The following MIA2 variants were observed in gnomAD, a reference collection of about 807,000 sequenced individuals.
The protein encoded by MIA2 is MIA SH3 domain ER export factor 2, also known as melanoma inhibitory activity protein 2.
Under a neutral mutation model 167.8 loss-of-function variants are expected in MIA2, and 127 were observed. The ratio of observed to expected loss-of-function variants is 0.76; its 90% CI spans 0.66 to 0.88. The LOEUF (loss-of-function observed/expected upper bound fraction) is 0.88, where lower values mean the gene tolerates loss of function less well. MIA2 is among the 40% of genes least tolerant of loss of function. The probability of loss-of-function intolerance (pLI) is 0.00; values close to 1 mark genes in which losing one functional copy is unlikely to be tolerated. For synonymous variants in MIA2, 552 were observed against 541.9 expected (o/e 1.02, Z -0.26); for missense variants, 1,690 against 1,624.7 (o/e 1.04, Z -0.69).
rs71130838 is a variant in MIA2 at position 39,298,413 on chromosome 14, T to TTATA, written c.2497-1424_2497-1421dup. ...TTTACCTGTATCATCTGATTCTGTT[T>TTATA]TATATATATATATATATATATATAT... On this transcript the variant is annotated intron_variant, in intron 13 of 28. Coordinates refer to ENST00000640607, the MANE Select transcript of MIA2 (RefSeq NM_001329214.4). 6.3e-3 allele frequency among the ~76,000 whole-genome samples: 165 copies of TTATA among 26,146 alleles called. 9 individuals carry two copies. Among genetic ancestry groups the TTATA allele is most frequent in the South Asian group, 0.033 (23 of 698 alleles). 17.2% of individuals were successfully genotyped at this position (26,146 alleles called of 152,430 possible).
intron 25 of MIA2, among the ~76,000 whole-genome samples, chr14:39,334,984 T>C (rs549188791): frequency 1.3e-5 from 2 of 152,274 alleles, no homozygotes; most frequent in East Asian, 3.9e-4. Flanking sequence ...GTGCAGTGGC[T>C]CATGCCTGTA....
intron 25 of MIA2, among the ~76,000 whole-genome samples, chr14:39,342,378 A>G (rs554248192): frequency 6.6e-6 from 1 of 152,120 alleles, no homozygotes; most frequent in Non-Finnish European, 1.5e-5. Context: ...TCCATGGTGT[A>G]TATGTGCCAC....
At chr14:39,254,341 T>C (rs559419939) in intron 6 of MIA2, among the ~76,000 whole-genome samples, 28 of 152,268 alleles carry the variant, frequency 1.8e-4, no homozygotes, top group Admixed American at 1.4e-3. Context: ...AGGGGTCAAA[T>C]AATAGGGAGT....
downstream of MIA2, among the ~76,000 whole-genome samples, chr14:39,354,215 T>C (rs1478046993): frequency 2.6e-5 from 4 of 152,292 alleles, no homozygotes; most frequent in Middle Eastern, 3.4e-3. Context: ...TCCACAACCT[T>C]TCCAGCACCT....
chr14:39,278,880 G>T (rs985312610), intron 7 of MIA2, among the ~76,000 whole-genome samples: 5 of 152,166 alleles, frequency 3.3e-5, no homozygotes, highest in African/African-American at 1.2e-4. Context: ...TAGTATTTAG[G>T]CTGGGCATGG....
chr14:39,386,051 T>C (rs7145821), intron 23 of MIA2: 342,763 of 1,184,556 alleles, frequency 0.29, 52,110 homozygotes, highest in East Asian at 0.5. Flanking sequence ...CAACCTCTTC[T>C]TGCAAAAAGG....
chr14:39,289,979 A>C (rs1225875666), intron 9 of MIA2, among the ~76,000 whole-genome samples: 5 of 152,168 alleles, frequency 3.3e-5, no homozygotes, highest in African/African-American at 1.2e-4. Flanking sequence ...CCTCCTTTTA[A>C]GGACCCTTGG....
At position 39,261,775 on chromosome 14, in the gene MIA2, G is replaced by A. The variant is rs531054482; in HGVS notation, c.1887+8604G>A. ...GCATTTTTTCATGTGTCTGTTGGCT[G>A]CATAAATGTCTTCTTTTGAGAAGTG... On this transcript the variant is annotated intron_variant, in intron 6 of 28. Coordinates refer to ENST00000640607, the MANE Select transcript of MIA2 (RefSeq NM_001329214.4). Among the ~76,000 whole-genome samples the A allele has an allele frequency of 2.2e-3, 335 of 152,268 alleles. 2 individuals carry two copies. The highest frequency in any genetic ancestry group is 5.5e-3 in the African/African-American group (228 of 41,548).
At chr14:39,303,087 A>G (rs1335865925) in intron 15 of MIA2, among the ~76,000 whole-genome samples, 1 of 152,210 alleles carries the variant, frequency 6.6e-6, no homozygotes, top group African/African-American at 2.4e-5. Context: ...TATATATAAA[A>G]TAATCCTTTC....
At chr14:39,343,358 G>C (rs2153060620) in intron 25 of MIA2, among the ~76,000 whole-genome samples, 2 of 152,182 alleles carry the variant, frequency 1.3e-5, no homozygotes, top group Middle Eastern at 6.8e-3. Flanking sequence ...TGTTGGCCAG[G>C]CCGATCTTGA....
chr14:39,283,242 C>T (rs375026712), intron 9 of MIA2, among the ~76,000 whole-genome samples: 2 of 152,182 alleles, frequency 1.3e-5, no homozygotes, highest in South Asian at 2.1e-4. Context: ...TCATTTTTTT[C>T]GGATAAATAT....
intron 6 of MIA2, among the ~76,000 whole-genome samples, chr14:39,272,700 C>G (rs1310104969): frequency 1.3e-5 from 2 of 151,988 alleles, no homozygotes; most frequent in Admixed American, 6.5e-5. Context: ...GAGGGCAAGG[C>G]TGCAGTGAGC....
rs778635580 is a variant in MIA2, at chr14:39,236,978, C to T, written c.172C>T (p.Leu58=). 1 of 1,614,044 alleles carries T rather than the reference C, an allele frequency of 6.2e-7. No individual in the cohort carries two copies. The highest frequency in any genetic ancestry group is 1.1e-5 in the South Asian group (1 of 91,084). ...TTATAGAGGACCTGACTGCCGATACCTGAACTTCACTAAGGGAGAAGAGAT... is the reference window on the plus strand; with the variant it reads ...TTATAGAGGACCTGACTGCCGATACTTGAACTTCACTAAGGGAGAAGAGAT... The part of the protein sequence containing the change: ...RDYRGPDCRY[L]NFTKGEEISV... The change falls in exon 2 of 29, where the codon CTG becomes TTG. Residue 58 remains leucine (L), a synonymous_variant. Transcript: ENST00000640607.
chr14:39,379,802 G>A (rs992324681), intron 23 of MIA2, among the ~76,000 whole-genome samples: 3 of 152,030 alleles, frequency 2.0e-5, no homozygotes, highest in African/African-American at 7.2e-5. Context: ...AGTAAGCCAA[G>A]TCACACCACT....
chr14:39,347,800 C>T, intron 27 of MIA2, 29 bp downstream of exon 27: 2 of 1,256,126 alleles, frequency 1.6e-6, no homozygotes, highest in Non-Finnish European at 2.3e-6. Flanking sequence ...GAATTGTATG[C>T]ATGTATTCAG....
At position 39,247,121 on chromosome 14, in the gene MIA2, G is replaced by C. The variant is rs1417415923; in HGVS notation, c.547G>C (p.Ala183Pro). Residue 183 changes from alanine to proline, a missense_variant, in exon 4 of 29, where the codon GCT (alanine) becomes CCT (proline). Physicochemically the swap from Ala to Pro is conservative, Grantham distance 27 (BLOSUM62 -1). Coordinates refer to ENST00000640607, the MANE Select transcript of MIA2 (RefSeq NM_001329214.4). ...TGAAGACCAAGTTCCAGCATTAGAG[G>C]CTCCTGAAGATATCGGAAGTACCAG... Reference protein sequence around the residue: ...LFEDQVPALEAPEDIGSTSES... With the variant: ...LFEDQVPALEPPEDIGSTSES... 1 of 1,611,786 alleles carries C rather than the reference G, an allele frequency of 6.2e-7. No homozygotes were observed. The highest frequency in any genetic ancestry group is 8.5e-7 in the Non-Finnish European group (1 of 1,179,468).
chr14:39,327,253 G>T (rs909190936), intron 25 of MIA2, among the ~76,000 whole-genome samples: 1 of 152,070 alleles, frequency 6.6e-6, no homozygotes, highest in African/African-American at 2.4e-5. Flanking sequence ...TTTGTTGCTT[G>T]TAGAGGTAAT....
At chr14:39,303,330 C>A in intron 15 of MIA2, 148 bp from the exon 16 acceptor site, 1 of 573,494 alleles carries the variant, frequency 1.7e-6, no homozygotes, top group Non-Finnish European at 3.0e-6. Flanking sequence ...AGGTCCAAGG[C>A]CATTCTGCTT....
At chr14:39,355,433 C>T (rs1353118801), downstream of MIA2, among the ~76,000 whole-genome samples, 2 of 152,136 alleles carry the variant, frequency 1.3e-5, no homozygotes, top group Non-Finnish European at 2.9e-5. Context: ...AGTTGCTTAT[C>T]AGCTTAAGGA....
Sources: gnomAD v4.1 joint callset for allele counts (sites outside exome capture counted in the v4.1 genomes callset) on GRCh38, gnomAD v4.1.1 for gene constraint, MANE v1.5 for transcripts, NCBI Gene and HGNC (gene_info 2026-07-23, HGNC 2026-07-21) for gene names.